Variants in MYO1C observed in about 807,000 individuals in gnomAD.
The protein encoded by MYO1C is unconventional myosin-Ic.
MYO1C carries 104 observed loss-of-function variants against 150.8 expected under a neutral mutation model. That is an observed-to-expected ratio of 0.69 (90% CI 0.59 to 0.81). MYO1C has a LOEUF of 0.81. Ranked by LOEUF, MYO1C falls within the 30% of genes least tolerant of loss-of-function variation. The pLI, the probability that MYO1C is intolerant of heterozygous loss-of-function variation, is 0.00. For missense variants in MYO1C, 1,504 were observed against 1,435.0 expected (o/e 1.05, Z -0.78); for synonymous variants, 663 against 579.9 (o/e 1.14, Z -2.06).
rs919305995 is a variant in MYO1C, at chr17:1,492,571, G to A, written c.-84C>T. ...CCCACTGGCGGGCTCCGACCACTCCGGGACCAGGAACCTACGGTCTAACGC... is the reference window on the plus strand; with the variant it reads ...CCCACTGGCGGGCTCCGACCACTCCAGGACCAGGAACCTACGGTCTAACGC... On this transcript the variant is annotated 5_prime_UTR_variant, in exon 1 of 32. Transcript: ENST00000648651. The A allele has an allele frequency of 6.4e-5, 84 of 1,321,996 alleles. 1 individual carries two copies. In the South Asian group the frequency reaches 8.9e-4, roughly 14 times the overall value. 81.9% of individuals were successfully genotyped at this position (1,321,996 alleles called of 1,614,324 possible). A position where few individuals can be genotyped will look rare whatever the true frequency, so the allele number is the denominator to read the frequency against.
chr17:1,479,567 G>T lies in MYO1C; in HGVS notation c.1020+25C>A. The T allele has an allele frequency of 4.4e-6, 3 of 675,416 alleles. No individual in the cohort carries two copies. Among genetic ancestry groups the T allele is most frequent in the African/African-American group, 3.7e-5 (2 of 53,610 alleles). The allele number at this position is 675,416 out of a possible 1,614,324, so 41.8% of individuals were successfully genotyped here. On this transcript the variant is annotated intron_variant, in intron 8 of 31. Transcript: ENST00000648651. The surrounding 1 kb of genome is among the most constrained non-coding windows in gnomAD (Gnocchi z 4.2). ...CAGCCCCCGCCCCCGCCGTCCTCCCGTCGCCCTCTGCCCGCCCCACTCACC... is the reference window on the plus strand; with the variant it reads ...CAGCCCCCGCCCCCGCCGTCCTCCCTTCGCCCTCTGCCCGCCCCACTCACC...
chr17:1,488,039 G>A (rs575658363), intron 1 of MYO1C, among the ~76,000 whole-genome samples: 4 of 152,310 alleles, frequency 2.6e-5, no homozygotes, highest in Admixed American at 1.3e-4. Context: ...GCCCCTCCCG[G>A]AAGCTCAGCT....
Position 1,465,636 on chromosome 17 carries a change from TG to T in MYO1C, c.*89del. 7.9e-7 allele frequency: 1 copy of T among 1,260,068 alleles called. No individual in the cohort carries two copies. Among genetic ancestry groups the T allele is most frequent in the East Asian group, 2.8e-5 (1 of 35,324 alleles). The allele number at this position is 1,260,068 out of a possible 1,614,324, so 78.1% of individuals were successfully genotyped here. On this transcript the variant is annotated 3_prime_UTR_variant, in exon 32 of 32. Coordinates refer to ENST00000648651, the MANE Select transcript of MYO1C (RefSeq NM_001080779.2). ...GGGCTTCGGGGTGTCCCTGGGTCCC[TG>T]TCTGGAAGTTCGAGTCTTTGGTAAC...
chr17:1,472,629 G>C (rs1438679062), intron 17 of MYO1C, among the ~76,000 whole-genome samples: 1 of 152,216 alleles, frequency 6.6e-6, no homozygotes, highest in Non-Finnish European at 1.5e-5. Flanking sequence ...CTCAGGCCTG[G>C]CGGAGGAGCA....
At chr17:1,469,311 AATACAGTAGACCGAGATAAATACGGTAGG>A in intron 25 of MYO1C, 191 bp downstream of exon 25, 1 of 593,758 alleles carries the variant, frequency 1.7e-6, no homozygotes, top group Non-Finnish European at 3.1e-6. Flanking sequence ...AGGTGGGGTA[AATACAGTAGACCGAGATAAATACGGTAGG>A]CGGGGTAAAT....
rs987440363 is a variant in MYO1C, at chr17:1,467,913, G to T, written c.2897-3C>A. The stretch of plus-strand genomic sequence containing the variant: ...GCTCAGGCTGCTGACAGAGATTCCT[G>T]AGGGGAGAGGGCAAAGGTCAGAGGT... On this transcript the variant is annotated splice_polypyrimidine_tract_variant and splice_region_variant and intron_variant, in intron 28 of 31. Transcript: ENST00000648651. The T allele has an allele frequency of 1.2e-6, 2 of 1,612,244 alleles. No homozygotes were observed. The highest frequency in any genetic ancestry group is 1.3e-5 in the African/African-American group (1 of 74,322).
intron 31 of MYO1C, among the ~76,000 whole-genome samples, chr17:1,466,282 T>C (rs1282787577): frequency 6.6e-6 from 1 of 151,270 alleles, no homozygotes; most frequent in African/African-American, 2.4e-5. Flanking sequence ...CATCTCAGGC[T>C]TCTGAGCAAC....
Position 1,480,189 on chromosome 17 carries a change from G to A in MYO1C, c.906+338C>T, listed in dbSNP as rs552419284. On this transcript the variant is annotated intron_variant, in intron 7 of 31. Transcript: ENST00000648651. ...AAAAAGGGATTACTGGCCCACGCCT[G>A]TAATCCCAGCACTTTGAGAGGCTGA... Among the ~76,000 whole-genome samples, 23 of 144,100 alleles carry A rather than the reference G, an allele frequency of 1.6e-4. No homozygotes were observed. In the South Asian group the frequency reaches 4.6e-3, roughly 29 times the overall value. 94.5% of individuals were successfully genotyped at this position (144,100 alleles called of 152,430 possible).
intron 31 of MYO1C, among the ~76,000 whole-genome samples, chr17:1,466,392 G>A (rs777396884): frequency 6.6e-6 from 1 of 151,944 alleles, no homozygotes; most frequent in African/African-American, 2.4e-5. Flanking sequence ...GTGTAATGGC[G>A]CAATCTCGGC....
intron 24 of MYO1C, among the ~76,000 whole-genome samples, chr17:1,469,844 G>A (rs1384608862): frequency 2.0e-5 from 3 of 152,142 alleles, no homozygotes; most frequent in Non-Finnish European, 4.4e-5. Flanking sequence ...AGACCAGCCT[G>A]GCCAACAGGG....
rs1007039803 is a variant in MYO1C, at chr17:1,478,714, C to A, written c.1114G>T (p.Glu372Ter). ...GEELLSPLNLEQAAYARDALA... is the reference protein window; with the variant it reads ...GEELLSPLNL ...GCGTCTCGTGCGTACGCGGCCTGCT[C>A]CAGGTTCAGCGGGCTCAGGAGCTGT... The change falls in exon 10 of 32, where the codon GAG becomes TAG. Residue 372 changes from glutamate (E) to a stop codon, truncating the protein, a stop_gained. Transcript: ENST00000648651. LOFTEE classifies it high-confidence loss of function. The surrounding 1 kb of genome is among the most constrained non-coding windows in gnomAD (Gnocchi z 6.3). The A allele has an allele frequency of 6.2e-7, 1 of 1,614,026 alleles. No individual in the cohort carries two copies. The highest frequency in any genetic ancestry group is 8.5e-7 in the Non-Finnish European group (1 of 1,180,042).
At chr17:1,485,707 C>T (rs2074639302) in intron 1 of MYO1C, 1 of 1,190,938 alleles carries the variant, frequency 8.4e-7, no homozygotes, top group Non-Finnish European at 1.0e-6. Context: ...CGCCCGGTAG[C>T]GCATCCTGCC....
In MYO1C at chr17:1,465,608, G is replaced by A. The variant is rs1370569550; in HGVS notation, c.*118C>T. On this transcript the variant is annotated 3_prime_UTR_variant, in exon 32 of 32. Transcript: ENST00000648651. ...GATGGGCAGGAGGTGGGAGATTGCA[G>A]GTGGGCTTCGGGGTGTCCCTGGGTC... The A allele has an allele frequency of 9.3e-7, 1 of 1,078,150 alleles. No individual in the cohort carries two copies. The highest frequency in any genetic ancestry group is 1.2e-6 in the Non-Finnish European group (1 of 804,380). 66.8% of individuals were successfully genotyped at this position (1,078,150 alleles called of 1,614,324 possible).
intron 24 of MYO1C, 149 bp downstream of exon 24, chr17:1,470,026 C>CAA (rs535565714): frequency 2.6e-5 from 19 of 740,716 alleles, no homozygotes; most frequent in African/African-American, 5.7e-5. Context: ...GACTCCATCT[C>CAA]AAAAAAAAAA....
chr17:1,466,153 C>CTTTTTT lies in MYO1C; in HGVS notation c.3166-407_3166-402dup, dbSNP rs71148490. 7.5e-4 allele frequency among the ~76,000 whole-genome samples: 69 copies of CTTTTTT among 91,592 alleles called. 1 individual carries two copies. The highest frequency in any genetic ancestry group is 1.8e-3 in the African/African-American group (34 of 18,986). 60.1% of individuals were successfully genotyped at this position (91,592 alleles called of 152,430 possible). A position where few individuals can be genotyped will look rare whatever the true frequency, so the allele number is the denominator to read the frequency against. ...TATCTTCCCTGCATTGCCGTGCTGCCTTTTTTTTTTTTTTTTTTTTTTTGA... is the reference window on the plus strand; with the variant it reads ...TATCTTCCCTGCATTGCCGTGCTGCCTTTTTTTTTTTTTTTTTTTTTTTTTTTTTGA... On this transcript the variant is annotated intron_variant, in intron 31 of 31. Transcript: ENST00000648651.
chr17:1,474,707 G>T lies in MYO1C; in HGVS notation c.1717-17C>A. ...ACACATGGTCTGTGTGGGCAGAGCC[G>T]GGGTCAGGGTGGGGCACAGGGACAG... On this transcript the variant is annotated splice_polypyrimidine_tract_variant and intron_variant, in intron 16 of 31. Coordinates refer to ENST00000648651, the MANE Select transcript of MYO1C (RefSeq NM_001080779.2). 6.2e-7 allele frequency: 1 copy of T among 1,613,942 alleles called. No homozygotes were observed. The highest frequency in any genetic ancestry group is 8.5e-7 in the Non-Finnish European group (1 of 1,179,852).
Position 1,478,794 on chromosome 17 carries a change from C to A in MYO1C, c.1093-59G>T. 6.2e-7 allele frequency: 1 copy of A among 1,606,330 alleles called. No individual in the cohort carries two copies. Among genetic ancestry groups the A allele is most frequent in the Non-Finnish European group, 8.5e-7 (1 of 1,179,678 alleles). Reference sequence around the variant, plus strand: ...CCACAGAGCCTGTGCATCCCACCTGCTCCCAGGCTCAGGCAGACCAGGAAG... The same window carrying A: ...CCACAGAGCCTGTGCATCCCACCTGATCCCAGGCTCAGGCAGACCAGGAAG... On this transcript the variant is annotated intron_variant, in intron 9 of 31. Coordinates refer to ENST00000648651, the MANE Select transcript of MYO1C (RefSeq NM_001080779.2). This position sits in a 1 kb window ranked among gnomAD's most constrained non-coding sequence, Gnocchi z 6.3.
At position 1,479,916 on chromosome 17, in the gene MYO1C, C is replaced by T. The variant is rs1038089164; in HGVS notation, c.907-211G>A. Reference sequence around the variant, plus strand: ...ATCCCAGCACTTTGGGAGGCTGAGGCGGGAGGATCATCTGAGGTCAGGAGT... The same window carrying T: ...ATCCCAGCACTTTGGGAGGCTGAGGTGGGAGGATCATCTGAGGTCAGGAGT... On this transcript the variant is annotated intron_variant, in intron 7 of 31. Coordinates refer to ENST00000648651, the MANE Select transcript of MYO1C (RefSeq NM_001080779.2). This position sits in a 1 kb window ranked among gnomAD's most constrained non-coding sequence, Gnocchi z 4.2. 2.6e-5 allele frequency among the ~76,000 whole-genome samples: 4 copies of T among 151,860 alleles called. No individual in the cohort carries two copies. Among genetic ancestry groups the T allele is most frequent in the East Asian group, 1.9e-4 (1 of 5,178 alleles).
intron 1 of MYO1C, chr17:1,486,031 C>G (rs2074649825): frequency 6.6e-6 from 1 of 152,656 alleles, no homozygotes; most frequent in Admixed American, 6.5e-5. Context: ...GCGGCCGCCG[C>G]GTCTACACCG....
Sources: gnomAD v4.1 joint callset for allele counts (sites outside exome capture counted in the v4.1 genomes callset) on GRCh38, gnomAD v4.1.1 for gene constraint, Gnocchi (gnomAD v3.1) non-coding constraint, MANE v1.5 for transcripts, NCBI Gene and HGNC (gene_info 2026-07-23, HGNC 2026-07-21) for gene names.